Variants in PTPRD observed in about 807,000 individuals in gnomAD.
The protein encoded by PTPRD is receptor-type tyrosine-protein phosphatase delta.
PTPRD carries 34 observed loss-of-function variants against 214.5 expected under a neutral mutation model. The ratio of observed to expected loss-of-function variants is 0.16; its 90% confidence interval spans 0.12 to 0.21. The LOEUF is 0.21. Ranked by LOEUF, PTPRD falls within the 10% of genes least tolerant of loss-of-function variation. PTPRD has a pLI of 1.00. For synonymous variants in PTPRD, 1,128 were observed against 845.7 expected (o/e 1.33, Z -5.79); for missense variants, 2,545 against 2,398.7 (o/e 1.06, Z -1.27).
chr9:8,448,136 G>A (rs2095806136), intron 34 of PTPRD, among the ~76,000 whole-genome samples: 1 of 151,876 alleles, frequency 6.6e-6, no homozygotes, highest in Admixed American at 6.6e-5. Flanking sequence ...CCCAGCTTGT[G>A]CAACACGGCC....
At chr9:10,010,291 C>T (rs1179317699) in intron 4 of PTPRD, among the ~76,000 whole-genome samples, 1 of 151,894 alleles carries the variant, frequency 6.6e-6, no homozygotes, top group Non-Finnish European at 1.5e-5. Context: ...AATTCATTTA[C>T]ATAGTAATTT....
intron 14 of PTPRD, among the ~76,000 whole-genome samples, chr9:8,551,670 A>C (rs557495886): frequency 1.3e-5 from 2 of 152,224 alleles, no homozygotes; most frequent in Non-Finnish European, 2.9e-5. Flanking sequence ...GAGAACCATT[A>C]ATTAGTTTTA....
intron 11 of PTPRD, among the ~76,000 whole-genome samples, chr9:8,882,419 A>G (rs1456420147): frequency 1.3e-5 from 2 of 152,182 alleles, no homozygotes; most frequent in Admixed American, 1.3e-4. Flanking sequence ...TGAGACCAGA[A>G]GCCAGGTCTT....
intron 11 of PTPRD, among the ~76,000 whole-genome samples, chr9:8,765,218 G>C (rs1484035659): frequency 6.6e-6 from 1 of 152,158 alleles, no homozygotes; most frequent in Non-Finnish European, 1.5e-5. Context: ...TCAAAAGATG[G>C]AGCATAATTC....
intron 2 of PTPRD, among the ~76,000 whole-genome samples, chr9:10,523,621 ATAGACAGAAAGAAAGG>A (rs1255399959): frequency 9.0e-6 from 1 of 111,552 alleles, no homozygotes; most frequent in Non-Finnish European, 2.1e-5. Flanking sequence ...ATATATATAT[ATAGACAGAAAGAAAGG>A]GAGAGAGAGA....
chr9:9,760,893 A>G (rs2098649269), intron 6 of PTPRD, among the ~76,000 whole-genome samples: 1 of 152,152 alleles, frequency 6.6e-6, no homozygotes, highest in South Asian at 2.1e-4. Context: ...AAGAACGATC[A>G]ACACCACCAA....
At chr9:10,556,160 T>A (rs1202558968) in intron 2 of PTPRD, among the ~76,000 whole-genome samples, 1 of 152,072 alleles carries the variant, frequency 6.6e-6, no homozygotes, top group Non-Finnish European at 1.5e-5. Context: ...TCAATAGTAT[T>A]TTTGTAGTAA....
At chr9:9,192,999 A>T (rs2099936180) in intron 9 of PTPRD, among the ~76,000 whole-genome samples, 1 of 152,114 alleles carries the variant, frequency 6.6e-6, no homozygotes. Context: ...CCTTTGAATG[A>T]AACCAGATTG....
At chr9:9,723,489 T>A (rs1008949401) in intron 7 of PTPRD, among the ~76,000 whole-genome samples, 1 of 152,062 alleles carries the variant, frequency 6.6e-6, no homozygotes, top group Non-Finnish European at 1.5e-5. Flanking sequence ...TGTTCTTTTT[T>A]AAAGATTTGG....
At chr9:9,770,586 C>T (rs1470902909) in intron 5 of PTPRD, among the ~76,000 whole-genome samples, 1 of 152,046 alleles carries the variant, frequency 6.6e-6, no homozygotes, top group Non-Finnish European at 1.5e-5. Flanking sequence ...TCTCATTCTG[C>T]TTGTTTTCAA....
chr9:8,953,224 G>A (rs956061703), intron 11 of PTPRD, among the ~76,000 whole-genome samples: 1 of 151,858 alleles, frequency 6.6e-6, no homozygotes, highest in African/African-American at 2.4e-5. Context: ...GTATATCCCA[G>A]GAGAAGGGTC....
At chr9:8,429,110 G>T (rs2094882492) in intron 35 of PTPRD, among the ~76,000 whole-genome samples, 2 of 152,182 alleles carry the variant, frequency 1.3e-5, no homozygotes, top group African/African-American at 4.8e-5. Context: ...ATGGAAATTG[G>T]TAACTATGAC....
chr9:9,747,615 C>T (rs1272706388), intron 6 of PTPRD, among the ~76,000 whole-genome samples: 2 of 150,826 alleles, frequency 1.3e-5, no homozygotes, highest in African/African-American at 2.4e-5. Flanking sequence ...GGCACCATCT[C>T]AGCTCACTGC....
chr9:10,257,195 C>T (rs1027437221), intron 3 of PTPRD, among the ~76,000 whole-genome samples: 4 of 152,172 alleles, frequency 2.6e-5, no homozygotes, highest in African/African-American at 7.2e-5. Flanking sequence ...GTTTTAGACA[C>T]GTTTTTGCTT....
At position 8,526,608 on chromosome 9, in the gene PTPRD, G is replaced by A. The variant is rs745460597; in HGVS notation, c.568+19C>T. The A allele has an allele frequency of 1.9e-5, 30 of 1,568,674 alleles. No homozygotes were observed. The highest frequency in any genetic ancestry group is 2.7e-5 in the African/African-American group (2 of 73,572). On this transcript the variant is annotated intron_variant, in intron 17 of 45. Transcript: ENST00000381196. ...GAATGAGTAAGATCATTCTGTGAAC[G>A]TTAGTTCAGCACTCTTACCTCTTAT...
At chr9:10,530,953 A>C (rs10959149) in intron 2 of PTPRD, among the ~76,000 whole-genome samples, 1 of 151,038 alleles carries the variant, frequency 6.6e-6, no homozygotes, top group Non-Finnish European at 1.5e-5. Flanking sequence ...ATCAGTAGAC[A>C]ATTTTTTTTT....
chr9:10,381,176 TACTC>T (rs983562595), intron 2 of PTPRD, among the ~76,000 whole-genome samples: 108 of 152,088 alleles, frequency 7.1e-4, no homozygotes, highest in African/African-American at 2.5e-3. Flanking sequence ...CATGGACGAT[TACTC>T]ACTATCTTTT....
At chr9:10,169,167 G>A (rs1459448934) in intron 3 of PTPRD, among the ~76,000 whole-genome samples, 2 of 151,978 alleles carry the variant, frequency 1.3e-5, no homozygotes, top group African/African-American at 2.4e-5. Context: ...CCTATGAAAG[G>A]AAGAAAAAAC....
chr9:8,386,840 G>A (rs551535705), intron 37 of PTPRD, among the ~76,000 whole-genome samples: 2 of 152,324 alleles, frequency 1.3e-5, no homozygotes, highest in African/African-American at 4.8e-5. Context: ...GGGAAAGGGT[G>A]AGATGGGAAT....
Sources: allele counts gnomAD v4.1 joint callset (sites outside exome capture counted in the v4.1 genomes callset), GRCh38; gene constraint gnomAD v4.1.1; transcripts MANE v1.5; gene names NCBI Gene and HGNC (gene_info 2026-07-23, HGNC 2026-07-21).